NFIB: variants seen among roughly 807,000 people sequenced by gnomAD.
NFIB encodes the protein nuclear factor 1 B-type.
Under a neutral mutation model 61.5 loss-of-function variants are expected in NFIB, and 11 were observed. That is an observed-to-expected ratio of 0.18 (90% CI 0.11 to 0.30). The LOEUF (loss-of-function observed/expected upper bound fraction) is 0.30. Among genes scored for constraint, NFIB ranks in the 10% least tolerant of loss-of-function variants. NFIB has a pLI of 1.00. For synonymous variants in NFIB, 260 were observed against 216.5 expected, an observed-to-expected ratio of 1.20 and a Z score of -1.76; for missense variants, 471 against 608.9, an observed-to-expected ratio of 0.77 and a Z score of 2.38.
At chr9:14,427,948 T>TTTGTTTTGTTTTG in the NFIB span, among the ~76,000 whole-genome samples, 64 of 104,032 alleles carry the variant, frequency 6.2e-4, 2 homozygotes, top group African/African-American at 2.3e-3. Flanking sequence ...TTTTTTTTTT[T>TTTGTTTTGTTTTG]TTTTTTTTTT....
intron 8 of NFIB, among the ~76,000 whole-genome samples, chr9:14,117,048 T>C (rs1482603068): frequency 6.6e-6 from 1 of 152,206 alleles, no homozygotes; most frequent in Non-Finnish European, 1.5e-5. Context: ...TACAATGATA[T>C]AAAATGCTGA....
Position 14,085,583 on chromosome 9 carries a change from G to A in NFIB, c.*2726C>T, listed in dbSNP as rs2032736064. ...TCTGGTTCTCAGTTTTAAAAGGGGA[G>A]ATAAAATGAAAACAGGATTTACTTT... On this transcript the variant is annotated 3_prime_UTR_variant, in exon 11 of 11. Transcript: ENST00000380953. The A allele has an allele frequency of 4.5e-6, 1 of 221,292 alleles. No homozygotes were observed. The highest frequency in any genetic ancestry group is 9.0e-6 in the Non-Finnish European group (1 of 110,784). The allele number at this position is 221,292 out of a possible 1,614,324, so 13.7% of individuals were successfully genotyped here. A position where few individuals can be genotyped will look rare whatever the true frequency, so the allele number is the denominator to read the frequency against.
the NFIB span, among the ~76,000 whole-genome samples, chr9:14,483,560 G>C: frequency 1.3e-5 from 2 of 152,132 alleles, no homozygotes; most frequent in Non-Finnish European, 1.5e-5. Context: ...CTAGTTCTGT[G>C]ATTTTCATTA....
At chr9:14,248,745 C>T (rs2055230306) in intron 2 of NFIB, among the ~76,000 whole-genome samples, 2 of 152,128 alleles carry the variant, frequency 1.3e-5, no homozygotes, top group Non-Finnish European at 2.9e-5. Flanking sequence ...GCAACAGGTT[C>T]AGGGGTAGTC....
chr9:14,425,324 A>T, the NFIB span, among the ~76,000 whole-genome samples: 1 of 152,216 alleles, frequency 6.6e-6, no homozygotes, highest in African/African-American at 2.4e-5. Flanking sequence ...AAGATGAGAG[A>T]AGCTGGTACA....
At chr9:14,451,349 T>G in the NFIB span, among the ~76,000 whole-genome samples, 2 of 152,240 alleles carry the variant, frequency 1.3e-5, no homozygotes, top group Admixed American at 1.3e-4. Flanking sequence ...AATTTTATTG[T>G]GAAGCATTTT....
intron 1 of NFIB, among the ~76,000 whole-genome samples, chr9:14,390,289 T>G (rs1055418221): frequency 6.6e-5 from 10 of 152,192 alleles, no homozygotes; most frequent in African/African-American, 2.4e-4. Flanking sequence ...AAGCTTCAGT[T>G]TCCTTATATA....
chr9:14,208,164 AC>A (rs1241245622), intron 2 of NFIB, among the ~76,000 whole-genome samples: 1 of 152,088 alleles, frequency 6.6e-6, no homozygotes, highest in Non-Finnish European at 1.5e-5. Context: ...GATTTTAATG[AC>A]CTCAGGGTAG....
At chr9:14,462,884 T>C in the NFIB span, among the ~76,000 whole-genome samples, 1 of 152,228 alleles carries the variant, frequency 6.6e-6, no homozygotes, top group African/African-American at 2.4e-5. Flanking sequence ...GTTTTAAAGT[T>C]ATGCAACACT....
At chr9:14,344,161 G>A (rs969943713) in intron 1 of NFIB, among the ~76,000 whole-genome samples, 7 of 151,790 alleles carry the variant, frequency 4.6e-5, no homozygotes, top group African/African-American at 1.7e-4. Flanking sequence ...GAGACAGAGC[G>A]ACATCAAGTG....
At chr9:14,206,656 A>C (rs575776113) in intron 2 of NFIB, among the ~76,000 whole-genome samples, 1 of 143,848 alleles carries the variant, frequency 7.0e-6, no homozygotes, top group Non-Finnish European at 1.5e-5. Flanking sequence ...ACCCTATGCT[A>C]TCATATACAG....
chr9:14,350,641 T>C (rs1357821551), intron 1 of NFIB, among the ~76,000 whole-genome samples: 1 of 152,176 alleles, frequency 6.6e-6, no homozygotes, highest in African/African-American at 2.4e-5. Context: ...GGGAGATGTA[T>C]AATATCAGGC....
chr9:14,384,215 C>T (rs2061523600), intron 1 of NFIB, among the ~76,000 whole-genome samples: 1 of 152,200 alleles, frequency 6.6e-6, no homozygotes, highest in South Asian at 2.1e-4. Context: ...CTACTGTCAG[C>T]TCCCCACCCC....
At chr9:14,227,980 C>T (rs189899932) in intron 2 of NFIB, among the ~76,000 whole-genome samples, 85 of 152,082 alleles carry the variant, frequency 5.6e-4, no homozygotes, top group African/African-American at 1.6e-3. Flanking sequence ...TTCAAGTATC[C>T]AAGTTTTTAT....
the NFIB span, among the ~76,000 whole-genome samples, chr9:14,409,075 G>C: frequency 1.3e-5 from 2 of 152,064 alleles, no homozygotes; most frequent in Non-Finnish European, 2.9e-5. Context: ...CTGGTTCTGT[G>C]GTGGGGAAGA....
chr9:14,524,303 A>T, the NFIB span, among the ~76,000 whole-genome samples: 1 of 152,174 alleles, frequency 6.6e-6, no homozygotes, highest in African/African-American at 2.4e-5. Context: ...TACCTATAGC[A>T]TAGAAACGTA....
the NFIB span, among the ~76,000 whole-genome samples, chr9:14,424,178 A>C: frequency 2.2e-4 from 34 of 152,186 alleles, no homozygotes; most frequent in African/African-American, 8.0e-4. Context: ...GGAGTAAAGA[A>C]GGGGCCTAGA....
intron 1 of NFIB, among the ~76,000 whole-genome samples, chr9:14,368,156 A>AGATT (rs2132962851): frequency 0.013 from 1 of 78 alleles, no homozygotes; most frequent in Non-Finnish European, 0.021. Context: ...AGTAAGATTA[A>AGATT]AAAAAAAAAA....
the NFIB span, among the ~76,000 whole-genome samples, chr9:14,437,892 C>T: frequency 6.6e-6 from 1 of 152,214 alleles, no homozygotes; most frequent in African/African-American, 2.4e-5. Flanking sequence ...TGGCCCAGTG[C>T]CCAGTTTTCA....
Sources: allele counts gnomAD v4.1 joint callset (sites outside exome capture counted in the v4.1 genomes callset), GRCh38; gene constraint gnomAD v4.1.1; transcripts MANE v1.5; gene names NCBI Gene and HGNC (gene_info 2026-07-23, HGNC 2026-07-21).